Variants in KCNH5 observed in about 807,000 individuals in gnomAD.
KCNH5 encodes voltage-gated delayed rectifier potassium channel KCNH5.
In KCNH5, 46 loss-of-function variants were observed where a neutral mutation model predicts 96.1. The observed-to-expected ratio is 0.48, with a 90% CI of 0.38 to 0.61. The LOEUF (loss-of-function observed/expected upper bound fraction) is 0.61. KCNH5 is among the 20% of genes least tolerant of loss of function. KCNH5 has a pLI of 0.00. For missense variants in KCNH5, 907 were observed against 1,225.8 expected, an observed-to-expected ratio of 0.74 and a Z score of 3.88; for synonymous variants, 439 against 449.8, an observed-to-expected ratio of 0.98 and a Z score of 0.30.
In KCNH5 at chr14:62,707,562, A is replaced by G. The variant is rs901792658; in HGVS notation, c.2913T>C (p.Phe971=). The change falls in exon 11 of 11, where the codon TTT becomes TTC. Residue 971 remains phenylalanine (F), a synonymous_variant. Coordinates refer to ENST00000322893, the MANE Select transcript of KCNH5 (RefSeq NM_139318.5). ...CAGGTGATTCAGGCCTTGAGACACT[A>G]AAAATATCCTGACATGGTATCTGGG... The part of the protein sequence containing the change: ...VPPQIPCQDI[F]SVSRPESPES... The G allele has an allele frequency of 6.6e-7, 1 of 1,505,716 alleles. No homozygotes were observed. Among genetic ancestry groups the G allele is most frequent in the Admixed American group, 2.3e-5 (1 of 44,302 alleles). The allele number at this position is 1,505,716 out of a possible 1,614,324, so 93.3% of individuals were successfully genotyped here. A position where few individuals can be genotyped will look rare whatever the true frequency, so the allele number is the denominator to read the frequency against.
chr14:62,820,925 T>C (rs1595638523), intron 8 of KCNH5, among the ~76,000 whole-genome samples: 1 of 152,182 alleles, frequency 6.6e-6, no homozygotes, highest in East Asian at 1.9e-4. Context: ...CTGGGTCAAA[T>C]GGTATTTCTG....
chr14:62,904,042 T>A (rs1888981267), intron 7 of KCNH5, among the ~76,000 whole-genome samples: 1 of 152,180 alleles, frequency 6.6e-6, no homozygotes. Flanking sequence ...TTCCAATATG[T>A]CAGAAATTAT....
chr14:62,757,021 G>A (rs1338961253), intron 10 of KCNH5, among the ~76,000 whole-genome samples: 1 of 152,124 alleles, frequency 6.6e-6, no homozygotes, highest in African/African-American at 2.4e-5. Context: ...CAGAATTGGA[G>A]AAAATATTTG....
chr14:62,811,549 G>C (rs1382032197), intron 8 of KCNH5, among the ~76,000 whole-genome samples: 2 of 152,098 alleles, frequency 1.3e-5, no homozygotes, highest in African/African-American at 4.8e-5. Flanking sequence ...CATGAATACA[G>C]TATAGACACA....
At chr14:62,920,691 G>C (rs1054664805) in intron 7 of KCNH5, among the ~76,000 whole-genome samples, 11 of 152,140 alleles carry the variant, frequency 7.2e-5, no homozygotes, top group African/African-American at 2.6e-4. Context: ...TTACAATCTT[G>C]AAAATGAGAG....
At chr14:62,875,361 C>T (rs530518229) in intron 7 of KCNH5, among the ~76,000 whole-genome samples, 1 of 151,928 alleles carries the variant, frequency 6.6e-6, no homozygotes, top group Admixed American at 6.6e-5. Flanking sequence ...CATATGGAAC[C>T]AAAAAAGAGC....
chr14:62,949,218 T>C (rs550633553), intron 7 of KCNH5, among the ~76,000 whole-genome samples: 2 of 152,308 alleles, frequency 1.3e-5, no homozygotes, highest in East Asian at 1.9e-4. Context: ...GGAAGTCAAA[T>C]TGTCTCTGTT....
chr14:62,893,815 A>G lies in KCNH5; in HGVS notation c.1370-43963T>C, dbSNP rs528362601. Reference sequence around the variant, plus strand: ...AGCAGGATTTGAAAGAAATGACTCTAGTTTTGAAAGAAGTTCTATTGTGGG... The same window carrying G: ...AGCAGGATTTGAAAGAAATGACTCTGGTTTTGAAAGAAGTTCTATTGTGGG... On this transcript the variant is annotated intron_variant, in intron 7 of 10. Transcript: ENST00000322893. Among the ~76,000 whole-genome samples, 5 of 152,358 alleles carry G rather than the reference A, an allele frequency of 3.3e-5. No individual in the cohort carries two copies. The South Asian group carries it at 6.2e-4, about 19-fold the overall frequency.
chr14:62,856,825 G>A (rs1037028313), intron 7 of KCNH5, among the ~76,000 whole-genome samples: 1 of 151,574 alleles, frequency 6.6e-6, no homozygotes, highest in Non-Finnish European at 1.5e-5. Context: ...CTAGTATCTG[G>A]GCTGTGCCAA....
chr14:62,797,162 T>G (rs1426724162), intron 9 of KCNH5, among the ~76,000 whole-genome samples: 1 of 152,126 alleles, frequency 6.6e-6, no homozygotes. Context: ...ATAAATTAGT[T>G]TTGAAGGATG....
chr14:62,791,944 T>C (rs1439956146), intron 9 of KCNH5, among the ~76,000 whole-genome samples: 1 of 151,584 alleles, frequency 6.6e-6, no homozygotes, highest in Non-Finnish European at 1.5e-5. Flanking sequence ...TCACTATAAG[T>C]TATCATTGCA....
At chr14:62,802,695 C>T (rs1436078348) in intron 8 of KCNH5, 114 bp from the exon 9 acceptor site, 3 of 1,282,110 alleles carry the variant, frequency 2.3e-6, no homozygotes, top group Non-Finnish European at 3.2e-6. Context: ...CACTGCTACA[C>T]ACCTTGCTGG....
At chr14:62,753,003 C>T (rs1404439699) in intron 10 of KCNH5, among the ~76,000 whole-genome samples, 3 of 152,102 alleles carry the variant, frequency 2.0e-5, no homozygotes, top group African/African-American at 7.2e-5. Flanking sequence ...ACAAACTGAA[C>T]AAGAAACCAG....
At chr14:62,738,363 C>T (rs1427788669) in intron 10 of KCNH5, among the ~76,000 whole-genome samples, 1 of 151,984 alleles carries the variant, frequency 6.6e-6, no homozygotes, top group Non-Finnish European at 1.5e-5. Context: ...TAGCTGAAAC[C>T]ACAGAAAGGG....
At chr14:63,038,754 A>G (rs1891769924) in intron 1 of KCNH5, among the ~76,000 whole-genome samples, 1 of 152,102 alleles carries the variant, frequency 6.6e-6, no homozygotes, top group Non-Finnish European at 1.5e-5. Context: ...CCATTTGATC[A>G]AATATATTTC....
At position 62,997,304 on chromosome 14, in the gene KCNH5, G is replaced by A. The variant is rs116523333; in HGVS notation, c.433+4027C>T. Among the ~76,000 whole-genome samples the A allele has an allele frequency of 5.0e-3, 748 of 150,818 alleles. 6 individuals are homozygous for A. Among genetic ancestry groups the A allele is most frequent in the African/African-American group, 0.017 (689 of 40,304 alleles). Reference sequence around the variant, plus strand: ...AGTTGGGGAGTAAGATGGGGAGATGGTTAATGGGTATAAGAAAAAAATAGT... The same window carrying A: ...AGTTGGGGAGTAAGATGGGGAGATGATTAATGGGTATAAGAAAAAAATAGT... On this transcript the variant is annotated intron_variant, in intron 4 of 10. Coordinates refer to ENST00000322893, the MANE Select transcript of KCNH5 (RefSeq NM_139318.5).
chr14:62,865,472 G>C (rs1317947638), intron 7 of KCNH5, among the ~76,000 whole-genome samples: 1 of 152,080 alleles, frequency 6.6e-6, no homozygotes, highest in Non-Finnish European at 1.5e-5. Context: ...ATCTGGAATC[G>C]CACAGGTATA....
intron 9 of KCNH5, among the ~76,000 whole-genome samples, chr14:62,801,453 T>C (rs2139999011): frequency 6.7e-6 from 1 of 149,784 alleles, no homozygotes; most frequent in South Asian, 2.1e-4. Context: ...TTCAGGAAAC[T>C]GCTGCAGATA....
At chr14:62,747,736 A>T (rs1314327278) in intron 10 of KCNH5, among the ~76,000 whole-genome samples, 1 of 152,246 alleles carries the variant, frequency 6.6e-6, no homozygotes, top group Non-Finnish European at 1.5e-5. Context: ...TTAACATCAC[A>T]ACCCCTACCT....
Sources: gnomAD v4.1 joint callset for allele counts (sites outside exome capture counted in the v4.1 genomes callset) on GRCh38, gnomAD v4.1.1 for gene constraint, MANE v1.5 for transcripts, NCBI Gene and HGNC (gene_info 2026-07-23, HGNC 2026-07-21) for gene names.